The following SFXN1 variants were observed in gnomAD, a reference collection of about 807,000 sequenced individuals.
SFXN1 encodes sideroflexin 1, also known as sideroflexin-1.
SFXN1 carries 32 observed loss-of-function variants against 39.5 expected under a neutral mutation model. The observed-to-expected ratio is 0.81, with a 90% CI of 0.61 to 1.09. SFXN1 has a LOEUF of 1.09. SFXN1 is among the 50% of genes least tolerant of loss of function. The pLI is 0.00. For missense variants in SFXN1, 402 were observed against 407.1 expected (o/e 0.99, Z 0.11); for synonymous variants, 136 against 146.5 (o/e 0.93, Z 0.52).
chr5:175,482,717 T>G (rs1377012123), intron 1 of SFXN1, among the ~76,000 whole-genome samples: 1 of 152,238 alleles, frequency 6.6e-6, no homozygotes, highest in African/African-American at 2.4e-5. Context: ...AACTCTTACC[T>G]GTGTTTTATA....
In SFXN1 at chr5:175,526,651, A is replaced by G. The variant is rs200818665; in HGVS notation, c.886A>G (p.Thr296Ala). ...LFPQKSSMSV[T>A]SLEAELQAKI... Reference sequence around the variant, plus strand: ...CCCTTATCCCAGTTCCATGTCTGTGACAAGCTTGGAGGCCGAGTTGCAAGC... The same window carrying G: ...CCCTTATCCCAGTTCCATGTCTGTGGCAAGCTTGGAGGCCGAGTTGCAAGC... The change falls in exon 11 of 11, where the codon ACA becomes GCA. Residue 296 changes from threonine to alanine, a missense_variant. By Grantham distance (58) the Thr-to-Ala change is moderately conservative (BLOSUM62 0). Transcript: ENST00000321442. The G allele has an allele frequency of 6.2e-7, 1 of 1,614,164 alleles. No individual in the cohort carries two copies. Among genetic ancestry groups the G allele is most frequent in the Non-Finnish European group, 8.5e-7 (1 of 1,179,990 alleles).
chr5:175,501,666 A>G (rs1005534103), intron 2 of SFXN1, among the ~76,000 whole-genome samples: 1 of 152,186 alleles, frequency 6.6e-6, no homozygotes, highest in Non-Finnish European at 1.5e-5. Flanking sequence ...TGGACAAAAG[A>G]TTTGAGTAGA....
At chr5:175,492,048 G>A in intron 1 of SFXN1, 47 bp from the exon 2 acceptor site, 2 of 1,449,236 alleles carry the variant, frequency 1.4e-6, no homozygotes, top group South Asian at 2.7e-5. Context: ...TAAATACGTA[G>A]TGACATTGTA....
chr5:175,482,892 G>C (rs1283830565), intron 1 of SFXN1, among the ~76,000 whole-genome samples: 1 of 152,132 alleles, frequency 6.6e-6, no homozygotes, highest in Non-Finnish European at 1.5e-5. Context: ...CACAGGGCGG[G>C]GGGCCTCCAT....
At chr5:175,520,683 G>A (rs1760852274) in intron 8 of SFXN1, among the ~76,000 whole-genome samples, 1 of 152,180 alleles carries the variant, frequency 6.6e-6, no homozygotes, top group African/African-American at 2.4e-5. Context: ...TGAGGAGGCT[G>A]CTCTCACAGG....
intron 2 of SFXN1, among the ~76,000 whole-genome samples, chr5:175,504,537 T>C (rs1169520422): frequency 6.1e-5 from 9 of 146,884 alleles, no homozygotes; most frequent in Non-Finnish European, 1.3e-4. Context: ...ATTGCATAAC[T>C]GCACTCCAGC....
In SFXN1 at chr5:175,526,863, T is replaced by G; in HGVS notation, c.*129T>G. On this transcript the variant is annotated 3_prime_UTR_variant, in exon 11 of 11. Transcript: ENST00000321442. ...CCTTTTAAAGATCCACATTAGCCTT[T>G]TAGAATAAAGCTGCTACTTTAACAG... 1 of 758,046 alleles carries G rather than the reference T, an allele frequency of 1.3e-6. No individual in the cohort carries two copies. Among genetic ancestry groups the G allele is most frequent in the Non-Finnish European group, 2.2e-6 (1 of 446,708 alleles). The allele number at this position is 758,046 out of a possible 1,614,324, so 47.0% of individuals were successfully genotyped here. A position where few individuals can be genotyped will look rare whatever the true frequency, so the allele number is the denominator to read the frequency against.
intron 10 of SFXN1, 63 bp downstream of exon 10, chr5:175,522,485 C>A: frequency 6.7e-7 from 1 of 1,494,372 alleles, no homozygotes; most frequent in Non-Finnish European, 9.2e-7. Context: ...ATTGAAGGTG[C>A]AGGTGCCATT....
chr5:175,527,915 A>ATTTTTTT lies in SFXN1; in HGVS notation c.*1197_*1203dup, dbSNP rs879019439. On this transcript the variant is annotated 3_prime_UTR_variant, in exon 11 of 11. Transcript: ENST00000321442. ...GAATTCAACCAAGTTTGGATGGAAA[A>ATTTTTTT]TTTTTTTTTTTTTTTTTTTTTTGAG... The ATTTTTTT allele has an allele frequency of 1.6e-5, 2 of 121,224 alleles. No individual in the cohort carries two copies. Among genetic ancestry groups the ATTTTTTT allele is most frequent in the Non-Finnish European group, 3.3e-5 (2 of 60,646 alleles). 7.5% of individuals were successfully genotyped at this position (121,224 alleles called of 1,614,324 possible). A position where few individuals can be genotyped will look rare whatever the true frequency, so the allele number is the denominator to read the frequency against.
chr5:175,488,529 C>T (rs1006224037), intron 1 of SFXN1, among the ~76,000 whole-genome samples: 2 of 152,118 alleles, frequency 1.3e-5, no homozygotes, highest in Non-Finnish European at 2.9e-5. Flanking sequence ...GAACTCCTGA[C>T]CTCAGGTGAT....
At chr5:175,512,767 G>A (rs1760566282) in intron 6 of SFXN1, among the ~76,000 whole-genome samples, 1 of 152,152 alleles carries the variant, frequency 6.6e-6, no homozygotes, top group Non-Finnish European at 1.5e-5. Flanking sequence ...AGGGCCATGT[G>A]CGAGTGACTG....
intron 2 of SFXN1, among the ~76,000 whole-genome samples, chr5:175,497,589 T>C (rs912287247): frequency 6.6e-6 from 1 of 152,084 alleles, no homozygotes; most frequent in African/African-American, 2.4e-5. Flanking sequence ...TCCATCAAAA[T>C]ATACAAAGAA....
Position 175,527,010 on chromosome 5 carries a change from ACC to A in SFXN1, c.*278_*279del. 1 of 409,678 alleles carries A rather than the reference ACC, an allele frequency of 2.4e-6. No homozygotes were observed. The highest frequency in any genetic ancestry group is 4.2e-5 in the East Asian group (1 of 23,672). The allele number at this position is 409,678 out of a possible 1,614,324, so 25.4% of individuals were successfully genotyped here. ...TTTCAAAGACGATATACCAGCCCTCACCCAGGTTTTAAAAAAGCACTGGTAGG... is the reference window on the plus strand; with the variant it reads ...TTTCAAAGACGATATACCAGCCCTCACAGGTTTTAAAAAAGCACTGGTAGG... On this transcript the variant is annotated 3_prime_UTR_variant, in exon 11 of 11. Coordinates refer to ENST00000321442, the MANE Select transcript of SFXN1 (RefSeq NM_022754.7).
At chr5:175,506,927 G>C (rs1760327907) in intron 2 of SFXN1, among the ~76,000 whole-genome samples, 1 of 152,164 alleles carries the variant, frequency 6.6e-6, no homozygotes. Context: ...GCCTCCCAAA[G>C]TGCTGGGATT....
rs116431380 is a variant in SFXN1, at chr5:175,511,691, A to T, written c.510+165A>T. On this transcript the variant is annotated intron_variant, in intron 5 of 10. Coordinates refer to ENST00000321442, the MANE Select transcript of SFXN1 (RefSeq NM_022754.7). ...AGTTATATCTTCCAATAAGTTTGGG[A>T]AGAGTTGTCACCAGTAACACCTACC... 5,429 of 634,540 alleles carry T rather than the reference A, an allele frequency of 8.6e-3. 196 individuals carry two copies. The highest frequency in any genetic ancestry group is 0.085 in the African/African-American group (4,628 of 54,424). 39.3% of individuals were successfully genotyped at this position (634,540 alleles called of 1,614,324 possible).
intron 1 of SFXN1, among the ~76,000 whole-genome samples, chr5:175,487,669 C>T (rs1264027964): frequency 6.6e-6 from 1 of 152,112 alleles, no homozygotes. Flanking sequence ...TAAATATAAT[C>T]TCTGTCTGAC....
At chr5:175,524,121 AAAAAATAT>A (rs1409372096) in intron 10 of SFXN1, 6 of 35,328 alleles carry the variant, frequency 1.7e-4, no homozygotes, top group East Asian at 1.9e-3. Context: ...AAAAAAAAAA[AAAAAATAT>A]ATATATATAT....
intron 2 of SFXN1, among the ~76,000 whole-genome samples, chr5:175,508,765 G>T (rs776219456): frequency 6.6e-6 from 1 of 152,026 alleles, no homozygotes; most frequent in Admixed American, 6.6e-5. Flanking sequence ...AGCCTCCTGA[G>T]TAGCTGGGAT....
intron 8 of SFXN1, among the ~76,000 whole-genome samples, chr5:175,519,512 A>G (rs753854778): frequency 7.9e-5 from 12 of 152,354 alleles, no homozygotes; most frequent in South Asian, 4.1e-4. Flanking sequence ...AAAGTAACAA[A>G]CTAGTGCTAC....
Sources: allele counts gnomAD v4.1 joint callset (sites outside exome capture counted in the v4.1 genomes callset), GRCh38; gene constraint gnomAD v4.1.1; transcripts MANE v1.5; gene names NCBI Gene and HGNC (gene_info 2026-07-23, HGNC 2026-07-21).